Variants in VPS13D observed in about 807,000 individuals in gnomAD.
The protein encoded by VPS13D is vacuolar protein sorting 13 homolog D, also known as intermembrane lipid transfer protein VPS13D.
Under a neutral mutation model 461.9 loss-of-function variants are expected in VPS13D, and 187 were observed. The observed-to-expected ratio is 0.40, with a 90% confidence interval of 0.36 to 0.46. The LOEUF (loss-of-function observed/expected upper bound fraction) is 0.46, where lower values mean the gene tolerates loss of function less well. Among genes scored for constraint, VPS13D ranks in the 20% least tolerant of loss-of-function variants. VPS13D has a pLI of 0.60. For missense variants in VPS13D, 4,711 were observed against 5,364.9 expected (o/e 0.88, Z 3.81); for synonymous variants, 1,951 against 1,986.3 (o/e 0.98, Z 0.47).
intron 16 of VPS13D, among the ~76,000 whole-genome samples, chr1:12,270,383 G>A (rs932112763): frequency 5.9e-5 from 9 of 151,286 alleles, no homozygotes; most frequent in Admixed American, 5.3e-4. Flanking sequence ...CCTGGGAGGC[G>A]GAGGCTGCAG....
chr1:12,507,840 C>T lies in VPS13D; in HGVS notation c.13035+747C>T, dbSNP rs2100569289. 6.6e-6 allele frequency among the ~76,000 whole-genome samples: 1 copy of T among 152,368 alleles called. No homozygotes were observed. Among genetic ancestry groups the T allele is most frequent in the South Asian group, 2.1e-4 (1 of 4,830 alleles). Reference sequence around the variant, plus strand: ...TGCGGATCTGTCTCTGGCCAGTCGGCCCTGGAGGCTTGCCATGACACCCAG... The same window carrying T: ...TGCGGATCTGTCTCTGGCCAGTCGGTCCTGGAGGCTTGCCATGACACCCAG... On this transcript the variant is annotated intron_variant, in intron 69 of 69. Coordinates refer to ENST00000620676, the MANE Select transcript of VPS13D (RefSeq NM_015378.4). The surrounding 1 kb of genome is among the most constrained non-coding windows in gnomAD (Gnocchi z 5.3).
intron 60 of VPS13D, among the ~76,000 whole-genome samples, chr1:12,387,511 A>G (rs899865604): frequency 1.3e-5 from 2 of 152,116 alleles, no homozygotes; most frequent in Non-Finnish European, 2.9e-5. Context: ...GGAGGACGTT[A>G]AAACTGTTAA....
intron 65 of VPS13D, 123 bp from the exon 66 acceptor site, chr1:12,455,875 C>T: frequency 1.6e-6 from 2 of 1,258,740 alleles, no homozygotes; most frequent in Non-Finnish European, 2.1e-6. Flanking sequence ...GATGAGATCA[C>T]ACCACTACAG....
At position 12,341,866 on chromosome 1, in the gene VPS13D, C is replaced by G. The variant is rs1326581300; in HGVS notation, c.8713C>G (p.Leu2905Val). ...HTGCTLWFAT[L>V]TTTPTRAALS... ...GGGGTGCACTTTGTGGTTTGCCACCCTGACCACCACACCCACCAGGTAAGC... is the reference window on the plus strand; with the variant it reads ...GGGGTGCACTTTGTGGTTTGCCACCGTGACCACCACACCCACCAGGTAAGC... The change falls in exon 41 of 70, where the codon CTG (leucine) becomes GTG (valine). Residue 2905 changes from leucine (L) to valine (V), a missense_variant. By Grantham distance (32) the Leu-to-Val change is conservative (BLOSUM62 1). This residue lies in a region of VPS13D where 4,411 missense variants were observed against 4,937.8 expected (regional missense o/e 0.89). Coordinates refer to ENST00000620676, the MANE Select transcript of VPS13D (RefSeq NM_015378.4). 6.8e-6 allele frequency: 11 copies of G among 1,614,116 alleles called. No individual in the cohort carries two copies. In the East Asian group the frequency reaches 2.0e-4, roughly 29 times the overall value.
chr1:12,248,840 GC>G (rs1477851329), intron 5 of VPS13D, among the ~76,000 whole-genome samples: 2 of 150,790 alleles, frequency 1.3e-5, no homozygotes, highest in Non-Finnish European at 2.9e-5. Flanking sequence ...CAATGGCTTT[GC>G]TTTCTTTAAT....
chr1:12,447,925 T>C (rs1645213746), intron 65 of VPS13D, among the ~76,000 whole-genome samples: 2 of 152,210 alleles, frequency 1.3e-5, no homozygotes, highest in Non-Finnish European at 2.9e-5. Context: ...AGAATGGGCA[T>C]GAGGTGATTT....
intron 65 of VPS13D, among the ~76,000 whole-genome samples, chr1:12,433,160 G>A (rs1183963547): frequency 6.6e-6 from 1 of 152,252 alleles, no homozygotes; most frequent in East Asian, 1.9e-4. Flanking sequence ...GCTGGGGGCT[G>A]TAACTGTCAG....
At chr1:12,500,025 A>T in intron 68 of VPS13D, 1 of 985,402 alleles carries the variant, frequency 1.0e-6, no homozygotes, top group Non-Finnish European at 1.2e-6. Flanking sequence ...TTCTGACTAA[A>T]TGTTTCCACA....
At chr1:12,475,899 A>C (rs562432786) in intron 67 of VPS13D, among the ~76,000 whole-genome samples, 4 of 152,264 alleles carry the variant, frequency 2.6e-5, no homozygotes, top group Admixed American at 2.0e-4. Flanking sequence ...AAAAAAAAAA[A>C]AACAAAAAAC....
At chr1:12,421,143 C>G (rs953850429) in intron 65 of VPS13D, among the ~76,000 whole-genome samples, 4 of 152,134 alleles carry the variant, frequency 2.6e-5, no homozygotes, top group Non-Finnish European at 5.9e-5. Context: ...TCTCATCTCC[C>G]AACGCTAGAA....
chr1:12,266,777 A>T, intron 13 of VPS13D, 104 bp from the exon 14 acceptor site: 1 of 1,049,622 alleles, frequency 9.5e-7, no homozygotes, highest in Non-Finnish European at 1.3e-6. Flanking sequence ...AAGGAAAAAT[A>T]GTTCATCTAT....
rs1642981560 is a variant in VPS13D at position 12,319,646 on chromosome 1, G to A, written c.7548+16G>A. 1 of 1,614,198 alleles carries A rather than the reference G, an allele frequency of 6.2e-7. No homozygotes were observed. Among genetic ancestry groups the A allele is most frequent in the African/African-American group, 1.3e-5 (1 of 75,058 alleles). On this transcript the variant is annotated intron_variant, in intron 32 of 69. Coordinates refer to ENST00000620676, the MANE Select transcript of VPS13D (RefSeq NM_015378.4). Reference sequence around the variant, plus strand: ...TGGCATTGAGGTAAGAAGTCTATGTGTTGATCACAGCACTGCGTGTTGGCT... The same window carrying A: ...TGGCATTGAGGTAAGAAGTCTATGTATTGATCACAGCACTGCGTGTTGGCT...
At position 12,276,624 on chromosome 1, in the gene VPS13D, T is replaced by C. The variant is rs558789084; in HGVS notation, c.3036T>C (p.Tyr1012=). 155 of 1,614,226 alleles carry C rather than the reference T, an allele frequency of 9.6e-5. No individual in the cohort carries two copies. The highest frequency in any genetic ancestry group is 1.2e-4 in the Non-Finnish European group (141 of 1,180,032). The part of the protein sequence containing the change: ...GLLLVDTMQT[Y]GADFDLLMAS... ...TCCTGGTGGATACCATGCAGACATA[T>C]GGTGCTGATTTTGACCTTTTGATGG... The change falls in exon 19 of 70, where the codon TAT becomes TAC. Residue 1012 remains tyrosine, a synonymous_variant. Transcript: ENST00000620676. This position sits in a 1 kb window ranked among gnomAD's most constrained non-coding sequence, Gnocchi z 4.5.
intron 42 of VPS13D, among the ~76,000 whole-genome samples, chr1:12,343,432 A>G (rs566788470): frequency 6.6e-6 from 1 of 152,176 alleles, no homozygotes; most frequent in African/African-American, 2.4e-5. Flanking sequence ...GGCTTCCCAA[A>G]GTGCTGGGAT....
chr1:12,415,832 A>C (rs1040923371), intron 64 of VPS13D, among the ~76,000 whole-genome samples: 16 of 152,316 alleles, frequency 1.1e-4, no homozygotes, highest in African/African-American at 3.8e-4. Flanking sequence ...TAACTAAGGA[A>C]AGTGATACAG....
intron 37 of VPS13D, among the ~76,000 whole-genome samples, chr1:12,331,082 A>G (rs535822461): frequency 2.6e-5 from 4 of 152,346 alleles, no homozygotes; most frequent in Admixed American, 2.0e-4. Context: ...CTTTCTTCCC[A>G]TTTGAAAGAC....
At chr1:12,340,142 C>A (rs1207064824) in intron 40 of VPS13D, among the ~76,000 whole-genome samples, 1 of 152,216 alleles carries the variant, frequency 6.6e-6, no homozygotes, top group Non-Finnish European at 1.5e-5. Flanking sequence ...CTCTTGTCAG[C>A]AGCCTTACAG....
At chr1:12,469,038 GAAAAAAA>G (rs59166714) in intron 67 of VPS13D, among the ~76,000 whole-genome samples, 1 of 119,792 alleles carries the variant, frequency 8.3e-6, no homozygotes, top group Non-Finnish European at 1.8e-5. Context: ...CTGTCTCAAA[GAAAAAAA>G]AAAAAACAAA....
At chr1:12,359,924 G>A (rs913009504) in intron 50 of VPS13D, among the ~76,000 whole-genome samples, 3 of 152,294 alleles carry the variant, frequency 2.0e-5, no homozygotes. Context: ...GGAGTGTTTT[G>A]CCCTTGATGT....
Sources: allele counts gnomAD v4.1 joint callset (sites outside exome capture counted in the v4.1 genomes callset), GRCh38; gene constraint gnomAD v4.1.1; regional missense constraint gnomAD v4.1.1; non-coding constraint Gnocchi (gnomAD v3.1); transcripts MANE v1.5; gene names NCBI Gene and HGNC (gene_info 2026-07-23, HGNC 2026-07-21).